PRDM6: variants seen among roughly 807,000 people sequenced by gnomAD.
The protein encoded by PRDM6 is putative histone-lysine N-methyltransferase PRDM6.
PRDM6 carries 25 observed loss-of-function variants against 60.8 expected under a neutral mutation model. The ratio of observed to expected loss-of-function variants is 0.41; its 90% CI spans 0.30 to 0.57. The LOEUF (loss-of-function observed/expected upper bound fraction) is 0.57, where lower values mean the gene tolerates loss of function less well. PRDM6 is among the 20% of genes least tolerant of loss of function. PRDM6 has a pLI of 0.27. For missense variants in PRDM6, 839 were observed against 821.3 expected, an observed-to-expected ratio of 1.02 and a Z score of -0.26; for synonymous variants, 407 against 357.4, an observed-to-expected ratio of 1.14 and a Z score of -1.57.
At chr5:123,143,407 T>C (rs1201575912) in intron 3 of PRDM6, among the ~76,000 whole-genome samples, 1 of 152,176 alleles carries the variant, frequency 6.6e-6, no homozygotes, top group Non-Finnish European at 1.5e-5. Context: ...ACGTCCTGTC[T>C]AGAATTTAGG....
intron 5 of PRDM6, among the ~76,000 whole-genome samples, chr5:123,160,565 T>C (rs556235740): frequency 6.7e-6 from 1 of 148,412 alleles, no homozygotes; most frequent in South Asian, 2.1e-4. Context: ...AATTTTCTTC[T>C]CCACTTTCTA....
At chr5:123,167,019 G>C (rs183505604) in intron 5 of PRDM6, among the ~76,000 whole-genome samples, 6 of 152,250 alleles carry the variant, frequency 3.9e-5, no homozygotes, top group African/African-American at 9.6e-5. Flanking sequence ...GAAATTTCCT[G>C]TCCTTTTTCT....
At chr5:123,148,270 G>A (rs1044562754) in intron 3 of PRDM6, among the ~76,000 whole-genome samples, 4 of 152,098 alleles carry the variant, frequency 2.6e-5, no homozygotes, top group African/African-American at 9.7e-5. Context: ...TGAAAATACA[G>A]CAATGGTGTA....
chr5:123,125,218 C>G (rs1198919400), intron 3 of PRDM6, among the ~76,000 whole-genome samples: 1 of 151,612 alleles, frequency 6.6e-6, no homozygotes, highest in African/African-American at 2.4e-5. Flanking sequence ...GCATAGATCC[C>G]AGGGACTTCA....
intron 3 of PRDM6, among the ~76,000 whole-genome samples, chr5:123,119,303 A>G (rs1764528114): frequency 6.6e-6 from 1 of 152,210 alleles, no homozygotes; most frequent in South Asian, 2.1e-4. Context: ...AAAATGAAAC[A>G]AGAACAAAAT....
chr5:123,167,911 A>G (rs73799835), intron 5 of PRDM6, among the ~76,000 whole-genome samples: 11,981 of 152,174 alleles, frequency 0.079, 505 homozygotes, highest in Non-Finnish European at 0.088. Flanking sequence ...CTGGCCTGTA[A>G]AAGCTTAATG....
Position 123,135,793 on chromosome 5 carries a change from A to C in PRDM6, c.901-20091A>C, listed in dbSNP as rs112413731. 9.3e-3 allele frequency among the ~76,000 whole-genome samples: 1,410 copies of C among 152,304 alleles called. 30 individuals carry two copies. Among genetic ancestry groups the C allele is most frequent in the African/African-American group, 0.032 (1,340 of 41,560 alleles). ...TTTCTAAATTCCTAAGAATGTATTC[A>C]TACACATTTATTCTCCCCTCCCCAT... is the stretch of plus-strand genomic sequence containing the variant. On this transcript the variant is annotated intron_variant, in intron 3 of 7. Transcript: ENST00000407847.
chr5:123,119,643 G>T (rs1284775336), intron 3 of PRDM6, among the ~76,000 whole-genome samples: 11 of 152,144 alleles, frequency 7.2e-5, no homozygotes, highest in African/African-American at 2.2e-4. Flanking sequence ...CTTTTTGGGT[G>T]GCCTCACAAG....
intron 2 of PRDM6, among the ~76,000 whole-genome samples, chr5:123,091,992 CA>C: frequency 6.6e-6 from 1 of 151,650 alleles, no homozygotes; most frequent in African/African-American, 2.4e-5. Context: ...TGAATATTTT[CA>C]TTATGTTGGA....
chr5:123,121,903 T>C (rs457772), intron 3 of PRDM6, among the ~76,000 whole-genome samples: 132,040 of 148,454 alleles, frequency 0.89, 59,190 homozygotes, highest in East Asian at 0.99. Flanking sequence ...GTGGCTCATG[T>C]CTATAATCCT....
chr5:123,121,988 C>T (rs955638096), intron 3 of PRDM6, among the ~76,000 whole-genome samples: 5 of 151,070 alleles, frequency 3.3e-5, no homozygotes, highest in Non-Finnish European at 5.9e-5. Context: ...ACAGGGAGAC[C>T]CCGTCTCTAC....
intron 3 of PRDM6, among the ~76,000 whole-genome samples, chr5:123,121,736 C>A (rs1379689392): frequency 6.6e-6 from 1 of 152,108 alleles, no homozygotes; most frequent in East Asian, 1.9e-4. Flanking sequence ...TTCCTTCCCC[C>A]CCAAATATTT....
chr5:123,090,025 C>A lies in PRDM6; in HGVS notation c.11C>A (p.Pro4His), dbSNP rs965567510. The A allele has an allele frequency of 1.7e-5, 27 of 1,547,638 alleles. No individual in the cohort carries two copies. In the African/African-American group the frequency reaches 3.3e-4, roughly 19 times the overall value. Residue 4 changes from proline to histidine, a missense_variant, in exon 2 of 8, where the codon CCC (proline) becomes CAC (histidine). Transcript: ENST00000407847. ...TTCGAGGCGCCGGACATGCTGAAGC[C>A]CGGAGACCCCGGCGGTTCGGCCTTC... is the stretch of plus-strand genomic sequence containing the variant. MLK[P>H]GDPGGSAFLK...
chr5:123,159,647 T>G lies in PRDM6; in HGVS notation c.1153+9T>G. ...TGCCCAGGATGAAAACTGTAAGAAT[T>G]TATTTTAGCTCTGAATTCACATTTC... On this transcript the variant is annotated intron_variant, in intron 5 of 7. Coordinates refer to ENST00000407847, the MANE Select transcript of PRDM6 (RefSeq NM_001136239.4). The G allele has an allele frequency of 6.5e-7, 1 of 1,550,240 alleles. No homozygotes were observed. Among genetic ancestry groups the G allele is most frequent in the African/African-American group, 1.4e-5 (1 of 73,110 alleles).
Position 123,121,444 on chromosome 5 carries a change from G to A in PRDM6, c.900+21483G>A, listed in dbSNP as rs778487361. Among the ~76,000 whole-genome samples the A allele has an allele frequency of 1.2e-4, 19 of 152,038 alleles. 1 individual carries two copies. Among genetic ancestry groups the A allele is most frequent in the South Asian group, 2.1e-4 (1 of 4,808 alleles). ...GTCACCCAGACAGGAGTGCAGTGGT[G>A]CAATCATAGCTCACTGCAGCCTCAA... is the stretch of plus-strand genomic sequence containing the variant. On this transcript the variant is annotated intron_variant, in intron 3 of 7. Transcript: ENST00000407847.
Position 123,194,201 on chromosome 5 carries a change from T to C in PRDM6, c.*7000T>C, listed in dbSNP as rs1766482052. ...ATTTAAATGAAAAAACAGGTACACA[T>C]TTAGAGATCATTGACCAAGAAATGT... On this transcript the variant is annotated 3_prime_UTR_variant, in exon 8 of 8. Transcript: ENST00000407847. The C allele has an allele frequency of 6.6e-6, 1 of 152,198 alleles. No individual in the cohort carries two copies. Among genetic ancestry groups the C allele is most frequent in the South Asian group, 2.1e-4 (1 of 4,834 alleles). The allele number at this position is 152,198 out of a possible 1,614,324, so 9.4% of individuals were successfully genotyped here. A position where few individuals can be genotyped will look rare whatever the true frequency, so the allele number is the denominator to read the frequency against.
At chr5:123,166,811 G>A (rs1765762580) in intron 5 of PRDM6, among the ~76,000 whole-genome samples, 3 of 152,166 alleles carry the variant, frequency 2.0e-5, no homozygotes, top group Admixed American at 2.0e-4. Context: ...AATTTCATGC[G>A]TTCATGTTCT....
chr5:123,183,257 T>C (rs1377731168), intron 7 of PRDM6, among the ~76,000 whole-genome samples: 1 of 152,160 alleles, frequency 6.6e-6, no homozygotes, highest in Non-Finnish European at 1.5e-5. Flanking sequence ...CCCAGATGGC[T>C]CAGTCCCCAA....
At chr5:123,104,336 C>A (rs1764163475) in intron 3 of PRDM6, among the ~76,000 whole-genome samples, 1 of 151,934 alleles carries the variant, frequency 6.6e-6, no homozygotes, top group Non-Finnish European at 1.5e-5. Context: ...GACTCAATTT[C>A]ATATATACAG....
Sources: gnomAD v4.1 joint callset for allele counts (sites outside exome capture counted in the v4.1 genomes callset) on GRCh38, gnomAD v4.1.1 for gene constraint, MANE v1.5 for transcripts, NCBI Gene and HGNC (gene_info 2026-07-23, HGNC 2026-07-21) for gene names.